The following TMEM47 variants were observed in gnomAD, a reference collection of about 807,000 sequenced individuals.
TMEM47 encodes the protein brain cell membrane protein 1.
In TMEM47, 3 loss-of-function variants were observed where a neutral mutation model predicts 12.4. The observed-to-expected ratio is 0.24, with a 90% CI of 0.11 to 0.63. The LOEUF is 0.63. Ranked by LOEUF, TMEM47 falls within the 20% of genes least tolerant of loss-of-function variation. TMEM47 has a pLI of 0.86. For synonymous variants in TMEM47, 62 were observed against 63.3 expected (o/e 0.98, Z 0.10); for missense variants, 89 against 143.8 (o/e 0.62, Z 1.95).
intron 2 of TMEM47, among the ~76,000 whole-genome samples, chrX:34,635,915 C>A (rs1921707405): frequency 9.0e-6 from 1 of 111,332 alleles, no homozygotes. Context: ...ATAAAATTGA[C>A]ATAAAAGAAA....
intron 1 of TMEM47, among the ~76,000 whole-genome samples, chrX:34,652,828 T>C (rs1009508985): frequency 1.3e-4 from 14 of 111,959 alleles, no homozygotes; most frequent in African/African-American, 4.5e-4. Context: ...ATTCTTCTTA[T>C]GTTCTTTTCA....
chrX:34,639,414 G>T (rs767081171), intron 1 of TMEM47, 27 bp from the exon 2 acceptor site: 1 of 1,190,093 alleles, frequency 8.4e-7, no homozygotes, highest in East Asian at 3.0e-5. Context: ...AATTGTTTTT[G>T]AGTAGTAAGT....
chrX:34,639,499 G>T, intron 1 of TMEM47, 112 bp from the exon 2 acceptor site: 3 of 753,386 alleles, frequency 4.0e-6, no homozygotes, highest in Non-Finnish European at 5.7e-6. Flanking sequence ...TTTACTGCAT[G>T]CTAAGCATCC....
chrX:34,642,175 CA>C (rs1398546465), intron 1 of TMEM47, among the ~76,000 whole-genome samples: 36 of 112,671 alleles, frequency 3.2e-4, no homozygotes, highest in African/African-American at 9.7e-4. Flanking sequence ...ACTTAATCTA[CA>C]AAAACAGGTG....
intron 1 of TMEM47, among the ~76,000 whole-genome samples, chrX:34,643,054 G>T (rs1156802000): frequency 9.0e-6 from 1 of 111,243 alleles, no homozygotes; most frequent in African/African-American, 3.3e-5. Flanking sequence ...CAGGGCCTGT[G>T]GCATCATATC....
At chrX:34,650,098 A>G (rs993515276) in intron 1 of TMEM47, among the ~76,000 whole-genome samples, 2 of 112,374 alleles carry the variant, frequency 1.8e-5, no homozygotes, top group Non-Finnish European at 3.8e-5. Flanking sequence ...AGCACTAGTC[A>G]TGGTTAAAAT....
intron 1 of TMEM47, among the ~76,000 whole-genome samples, chrX:34,643,666 A>G (rs1056203126): frequency 1.8e-5 from 2 of 111,718 alleles, no homozygotes; most frequent in Non-Finnish European, 3.8e-5. Context: ...TAATATACCA[A>G]TACTATAGTG....
chrX:34,645,503 C>T (rs943512932), intron 1 of TMEM47, among the ~76,000 whole-genome samples: 1 of 111,158 alleles, frequency 9.0e-6, no homozygotes, highest in Non-Finnish European at 1.9e-5. Flanking sequence ...AAATGATCTA[C>T]TTAACTTTTA....
rs2147135836 is a variant in TMEM47, at chrX:34,629,646, A to G, written c.*667T>C. On this transcript the variant is annotated 3_prime_UTR_variant, in exon 3 of 3. Coordinates refer to ENST00000275954, the MANE Select transcript of TMEM47 (RefSeq NM_031442.4). ...GATCCTCAATTTTTCCCCAGTCTAG[A>G]TAGGGCTGAGGCACCAATTTCTAAC... The G allele has an allele frequency of 9.0e-6, 1 of 111,578 alleles. No individual in the cohort carries two copies. The highest frequency in any genetic ancestry group is 2.8e-4 in the East Asian group (1 of 3,532). The allele number at this position is 111,578 out of a possible 1,213,427, so 9.2% of individuals were successfully genotyped here. A position where few individuals can be genotyped will look rare whatever the true frequency, so the allele number is the denominator to read the frequency against.
At chrX:34,653,324 A>G (rs1922048758) in intron 1 of TMEM47, among the ~76,000 whole-genome samples, 1 of 110,933 alleles carries the variant, frequency 9.0e-6, no homozygotes, top group South Asian at 3.9e-4. Context: ...GATGTTAACA[A>G]TATCCCTTGA....
In TMEM47 at chrX:34,627,673, G is replaced by A. The variant is rs767680347; in HGVS notation, c.*2640C>T. The A allele has an allele frequency of 1.3e-4, 15 of 112,010 alleles. No individual in the cohort carries two copies. Among genetic ancestry groups the A allele is most frequent in the Non-Finnish European group, 2.6e-4 (14 of 53,062 alleles). The allele number at this position is 112,010 out of a possible 1,213,427, so 9.2% of individuals were successfully genotyped here. ...AGTATTTTATGCTATATGTGTGTGAGTATATATATGTGTGTATATCTATAT... is the reference window on the plus strand; with the variant it reads ...AGTATTTTATGCTATATGTGTGTGAATATATATATGTGTGTATATCTATAT... On this transcript the variant is annotated 3_prime_UTR_variant, in exon 3 of 3. Transcript: ENST00000275954.
intron 1 of TMEM47, among the ~76,000 whole-genome samples, chrX:34,644,238 T>C (rs1237708369): frequency 1.8e-5 from 2 of 112,166 alleles, no homozygotes; most frequent in East Asian, 5.6e-4. Context: ...AAGTCCTCTT[T>C]CAAGGTATTT....
intron 1 of TMEM47, among the ~76,000 whole-genome samples, chrX:34,646,752 G>A (rs1189404196): frequency 9.0e-6 from 1 of 110,839 alleles, no homozygotes; most frequent in Non-Finnish European, 1.9e-5. Context: ...AATAATCAAA[G>A]AGTAGAATGA....
At chrX:34,643,609 T>C (rs1921857245) in intron 1 of TMEM47, among the ~76,000 whole-genome samples, 2 of 111,565 alleles carry the variant, frequency 1.8e-5, no homozygotes, top group African/African-American at 6.5e-5. Context: ...GAGTTAAGAG[T>C]CTGTAAAGAT....
At chrX:34,632,003 C>T (rs929800122) in intron 2 of TMEM47, among the ~76,000 whole-genome samples, 2 of 111,503 alleles carry the variant, frequency 1.8e-5, no homozygotes, top group Non-Finnish European at 3.8e-5. Flanking sequence ...ATCTGGTCTG[C>T]TTTTTGTTTT....
intron 1 of TMEM47, among the ~76,000 whole-genome samples, chrX:34,649,106 T>C (rs1921968418): frequency 9.0e-6 from 1 of 111,652 alleles, no homozygotes; most frequent in African/African-American, 3.3e-5. Context: ...TGGGAGTGTA[T>C]ATTAGTTTAA....
At chrX:34,647,272 T>C (rs984529913) in intron 1 of TMEM47, among the ~76,000 whole-genome samples, 1 of 111,561 alleles carries the variant, frequency 9.0e-6, no homozygotes, top group Non-Finnish European at 1.9e-5. Flanking sequence ...TTGATGAAAA[T>C]TTTAGTTCTT....
chrX:34,651,159 T>C (rs1364071184), intron 1 of TMEM47, among the ~76,000 whole-genome samples: 2 of 112,081 alleles, frequency 1.8e-5, no homozygotes, highest in Non-Finnish European at 3.8e-5. Context: ...TATTCAATTC[T>C]CCTTCCCTTA....
At chrX:34,636,038 A>C (rs1448812558) in intron 2 of TMEM47, among the ~76,000 whole-genome samples, 1 of 112,187 alleles carries the variant, frequency 8.9e-6, no homozygotes, top group African/African-American at 3.2e-5. Context: ...GTATGAAATT[A>C]ATTATTGGGA....
Sources: gnomAD v4.1 joint callset for allele counts (sites outside exome capture counted in the v4.1 genomes callset) on GRCh38, gnomAD v4.1.1 for gene constraint, MANE v1.5 for transcripts, NCBI Gene and HGNC (gene_info 2026-07-23, HGNC 2026-07-21) for gene names.